The following EFS variants were observed in gnomAD, a reference collection of about 807,000 sequenced individuals.
EFS encodes embryonal Fyn-associated substrate.
Under a neutral mutation model 42.2 loss-of-function variants are expected in EFS, and 34 were observed. The ratio of observed to expected loss-of-function variants is 0.81; its 90% CI spans 0.61 to 1.07. The LOEUF is 1.07. Ranked by LOEUF, EFS falls within the 50% of genes least tolerant of loss-of-function variation. The pLI, the probability that EFS is intolerant of heterozygous loss-of-function variation, is 0.00. For synonymous variants in EFS, 299 were observed against 320.7 expected, an observed-to-expected ratio of 0.93 and a Z score of 0.72; for missense variants, 717 against 729.4, an observed-to-expected ratio of 0.98 and a Z score of 0.20.
At position 23,359,602 on chromosome 14, in the gene EFS, G is replaced by T. The variant is rs776164796; in HGVS notation, c.876C>A (p.His292Gln). ...QLLARSPPPP[H>Q]RPRLPSAESL... is the part of the protein sequence containing the mutation. Reference sequence around the variant, plus strand: ...TCTCAGCTGAGGGGAGCCGGGGCCTGTGTGGGGGTGGGGGGCTTCTGGCCA... The same window carrying T: ...TCTCAGCTGAGGGGAGCCGGGGCCTTTGTGGGGGTGGGGGGCTTCTGGCCA... The change falls in exon 4 of 6, where the codon CAC becomes CAA. Residue 292 changes from histidine to glutamine, a missense_variant. Transcript: ENST00000216733. 1 of 1,492,390 alleles carries T rather than the reference G, an allele frequency of 6.7e-7. No homozygotes were observed. The highest frequency in any genetic ancestry group is 1.4e-5 in the South Asian group (1 of 73,094). 92.4% of individuals were successfully genotyped at this position (1,492,390 alleles called of 1,614,324 possible). A position where few individuals can be genotyped will look rare whatever the true frequency, so the allele number is the denominator to read the frequency against.
intron 1 of EFS, among the ~76,000 whole-genome samples, chr14:23,361,117 C>T (rs775521958): frequency 2.6e-5 from 4 of 152,186 alleles, no homozygotes; most frequent in Non-Finnish European, 5.9e-5. Flanking sequence ...TTTCCATCCT[C>T]GTACTTTATA....
Position 23,360,827 on chromosome 14 carries a change from G to A in EFS, c.25C>T (p.Leu9=). 6.2e-7 allele frequency: 1 copy of A among 1,610,084 alleles called. No homozygotes were observed. The highest frequency in any genetic ancestry group is 1.1e-5 in the South Asian group (1 of 90,524). Reference sequence around the variant, plus strand: ...GTGTTGTCATACAGTGCCCGGGCCAGCTGGGTCTGGTTGGGGAGGTGGGAG... The same window carrying A: ...GTGTTGTCATACAGTGCCCGGGCCAACTGGGTCTGGTTGGGGAGGTGGGAG... The part of the protein sequence containing the change: MAIATSTQ[L]ARALYDNTAE... The change falls in exon 2 of 6, where the codon CTG becomes TTG. Residue 9 remains leucine (L), a synonymous_variant. Coordinates refer to ENST00000216733, the MANE Select transcript of EFS (RefSeq NM_005864.4).
rs1595022530 is a variant in EFS, at chr14:23,357,252, T to A, written c.1660A>T (p.Thr554Ser). 1.3e-6 allele frequency: 2 copies of A among 1,568,628 alleles called. No individual in the cohort carries two copies. The highest frequency in any genetic ancestry group is 2.7e-5 in the African/African-American group (2 of 74,164). ...CATGGAGCCAGGCTAGTGAGCAGGG[T>A]AGTGAATTGCAGGGCCTGCCCTGCC... is the stretch of plus-strand genomic sequence containing the variant. Reference protein sequence around the residue: ...ELAGQALQFTTLLTSLAP With the variant: ...ELAGQALQFTSLLTSLAP The change falls in exon 6 of 6, where the codon ACC becomes TCC. Residue 554 changes from threonine to serine, a missense_variant. Thr to Ser is a moderately conservative substitution (Grantham distance 58). Transcript: ENST00000216733.
At chr14:23,357,774 T>C in intron 5 of EFS, 114 bp from the exon 6 acceptor site, 1 of 879,196 alleles carries the variant, frequency 1.1e-6, no homozygotes, top group Non-Finnish European at 1.6e-6. Context: ...AGCTCTTACC[T>C]CTGCCCATCG....
Position 23,359,925 on chromosome 14 carries a change from C to T in EFS, c.553G>A (p.Asp185Asn). The T allele has an allele frequency of 6.4e-7, 1 of 1,551,462 alleles. No homozygotes were observed. The highest frequency in any genetic ancestry group is 2.3e-5 in the East Asian group (1 of 44,358). ...GTCAGAGGCACATCATAGGGAGCAT[C>T]ATCCTCTCCAGGGGGCTGCGGGGCA... ...RVAPQPPGED[D>N]APYDVPLTPK... The change falls in exon 4 of 6, where the codon GAT (aspartate) becomes AAT (asparagine). Residue 185 changes from aspartate to asparagine, a missense_variant. By Grantham distance (23) the Asp-to-Asn change is conservative (BLOSUM62 1). Transcript: ENST00000216733.
In EFS at chr14:23,358,880, G is replaced by C; in HGVS notation, c.1247C>G (p.Pro416Arg). The C allele has an allele frequency of 6.2e-7, 1 of 1,610,644 alleles. No individual in the cohort carries two copies. Among genetic ancestry groups the C allele is most frequent in the Non-Finnish European group, 8.5e-7 (1 of 1,178,536 alleles). The change falls in exon 5 of 6, where the codon CCG (proline) becomes CGG (arginine). Residue 416 changes from proline (P) to arginine (R), a missense_variant. Physicochemically the swap from Pro to Arg is moderately radical, Grantham distance 103. Transcript: ENST00000216733. ...PELPERGMPA[P>R]QEALSPGEPL... is the part of the protein sequence containing the mutation. The stretch of plus-strand genomic sequence containing the variant: ...CACCATTCCCGCCAGGGTCACCTGC[G>C]GCGCCGGCATCCCCCTCTCGGGCAG...
Position 23,359,924 on chromosome 14 carries a change from T to A in EFS, c.554A>T (p.Asp185Val). 3 of 1,550,840 alleles carry A rather than the reference T, an allele frequency of 1.9e-6. No homozygotes were observed. The highest frequency in any genetic ancestry group is 2.6e-6 in the Non-Finnish European group (3 of 1,149,610). ...GGTCAGAGGCACATCATAGGGAGCA[T>A]CATCCTCTCCAGGGGGCTGCGGGGC... The part of the protein sequence containing the change: ...RVAPQPPGED[D>V]APYDVPLTPK... The change falls in exon 4 of 6, where the codon GAT (aspartate) becomes GTT (valine). Residue 185 changes from aspartate to valine, a missense_variant. Transcript: ENST00000216733.
At chr14:23,364,793 G>A (rs1315090321) in intron 1 of EFS, among the ~76,000 whole-genome samples, 2 of 152,062 alleles carry the variant, frequency 1.3e-5, no homozygotes, top group South Asian at 4.1e-4. Flanking sequence ...AATGGGGAGG[G>A]GGCGGGGAAG....
At chr14:23,359,062 G>A (rs1292105096) in intron 4 of EFS, 97 bp from the exon 5 acceptor site, 25 of 1,229,292 alleles carry the variant, frequency 2.0e-5, no homozygotes, top group East Asian at 4.9e-5. Flanking sequence ...CCTTCCTTCC[G>A]AAGGACACTC....
Position 23,357,250 on chromosome 14 carries a change from G to T in EFS, c.1662C>A (p.Thr554=). The T allele has an allele frequency of 6.4e-7, 1 of 1,568,852 alleles. No homozygotes were observed. Among genetic ancestry groups the T allele is most frequent in the Non-Finnish European group, 8.7e-7 (1 of 1,150,234 alleles). ...ELAGQALQFT[T]LLTSLAP is the part of the protein sequence containing the mutation. Reference sequence around the variant, plus strand: ...TTCATGGAGCCAGGCTAGTGAGCAGGGTAGTGAATTGCAGGGCCTGCCCTG... The same window carrying T: ...TTCATGGAGCCAGGCTAGTGAGCAGTGTAGTGAATTGCAGGGCCTGCCCTG... The change falls in exon 6 of 6, where the codon ACC becomes ACA. Residue 554 remains threonine, a synonymous_variant. Coordinates refer to ENST00000216733, the MANE Select transcript of EFS (RefSeq NM_005864.4).
At position 23,360,361 on chromosome 14, in the gene EFS, A is replaced by G. The variant is rs143327300; in HGVS notation, c.298-80T>C. On this transcript the variant is annotated intron_variant, in intron 2 of 5. Coordinates refer to ENST00000216733, the MANE Select transcript of EFS (RefSeq NM_005864.4). ...TAATGTCTGAGTGCGAGGAGCTTAG[A>G]GACCTTCTAACTCTCCCTGTATCGA... 51 of 1,534,528 alleles carry G rather than the reference A, an allele frequency of 3.3e-5. No individual in the cohort carries two copies. The Middle Eastern group carries it at 5.4e-4, about 16-fold the overall frequency.
In EFS at chr14:23,365,125, C is replaced by T. The variant is rs751063436; in HGVS notation, c.-100G>A. 185 of 1,133,368 alleles carry T rather than the reference C, an allele frequency of 1.6e-4. No individual in the cohort carries two copies. Among genetic ancestry groups the T allele is most frequent in the Non-Finnish European group, 2.1e-4 (183 of 883,374 alleles). 70.2% of individuals were successfully genotyped at this position (1,133,368 alleles called of 1,614,324 possible). On this transcript the variant is annotated 5_prime_UTR_variant, in exon 1 of 6. Coordinates refer to ENST00000216733, the MANE Select transcript of EFS (RefSeq NM_005864.4). The surrounding 1 kb of genome is among the most constrained non-coding windows in gnomAD (Gnocchi z 5.3). ...ATGGTCCGCGGCCTCTAGCCCCCAGCTGTGGCGCCTGAGTCGTGGCCTCCG... is the reference window on the plus strand; with the variant it reads ...ATGGTCCGCGGCCTCTAGCCCCCAGTTGTGGCGCCTGAGTCGTGGCCTCCG...
chr14:23,363,191 G>C (rs1173346501), intron 1 of EFS, among the ~76,000 whole-genome samples: 3 of 152,058 alleles, frequency 2.0e-5, no homozygotes, highest in African/African-American at 2.4e-5. Flanking sequence ...GGGATTACAG[G>C]TGTGAGCCAC....
intron 1 of EFS, 102 bp downstream of exon 1, chr14:23,364,906 A>G (rs1566493945): frequency 4.6e-6 from 5 of 1,084,578 alleles, no homozygotes; most frequent in Non-Finnish European, 6.0e-6. Context: ...GAAGAAAGGG[A>G]CCAAGGAGAG....
chr14:23,359,104 A>G (rs1447444269), intron 4 of EFS, 139 bp from the exon 5 acceptor site: 10 of 1,116,878 alleles, frequency 9.0e-6, no homozygotes, highest in Non-Finnish European at 1.3e-5. Flanking sequence ...CCTTGACTCC[A>G]GAGAGCTCTG....
intron 1 of EFS, among the ~76,000 whole-genome samples, chr14:23,364,039 C>T (rs376500354): frequency 1.3e-5 from 2 of 152,076 alleles, no homozygotes; most frequent in Admixed American, 6.5e-5. Context: ...TCTTTCCAGT[C>T]TCTCTCCGAG....
At position 23,363,033 on chromosome 14, in the gene EFS, C is replaced by T. The variant is rs190456657; in HGVS notation, c.18+1975G>A. On this transcript the variant is annotated intron_variant, in intron 1 of 5. Coordinates refer to ENST00000216733, the MANE Select transcript of EFS (RefSeq NM_005864.4). ...GGTTCACGCCATTCTCCTGCCTCAG[C>T]CTCCCGAGTAGCTGGGACTACAGGC... Among the ~76,000 whole-genome samples the T allele has an allele frequency of 9.5e-3, 1,442 of 152,078 alleles. 20 individuals are homozygous for T. Among genetic ancestry groups the T allele is most frequent in the African/African-American group, 0.033 (1,357 of 41,454 alleles).
intron 1 of EFS, among the ~76,000 whole-genome samples, chr14:23,361,445 A>C (rs1048103907): frequency 1.3e-5 from 2 of 152,224 alleles, no homozygotes; most frequent in Non-Finnish European, 2.9e-5. Flanking sequence ...AAACAGAAAC[A>C]AAGCAATTGT....
chr14:23,363,244 G>A (rs1877757821), intron 1 of EFS, among the ~76,000 whole-genome samples: 1 of 151,928 alleles, frequency 6.6e-6, no homozygotes, highest in Non-Finnish European at 1.5e-5. Flanking sequence ...GGTTCCTTTG[G>A]GCAGATTGTT....
Sources: gnomAD v4.1 joint callset for allele counts (sites outside exome capture counted in the v4.1 genomes callset) on GRCh38, gnomAD v4.1.1 for gene constraint, Gnocchi (gnomAD v3.1) non-coding constraint, MANE v1.5 for transcripts, NCBI Gene and HGNC (gene_info 2026-07-23, HGNC 2026-07-21) for gene names.